SGIP1: variants seen among roughly 807,000 people sequenced by gnomAD.
SGIP1 encodes the protein SH3-containing GRB2-like protein 3-interacting protein 1.
A neutral mutation model predicts 107.5 loss-of-function variants in SGIP1; 38 were observed. The ratio of observed to expected loss-of-function variants is 0.35; its 90% confidence interval spans 0.27 to 0.46. SGIP1 has a LOEUF of 0.46. Among genes scored for constraint, SGIP1 ranks in the 20% least tolerant of loss-of-function variants. SGIP1 has a pLI of 1.00. For missense variants in SGIP1, 929 were observed against 1,019.5 expected (o/e 0.91, Z 1.21); for synonymous variants, 365 against 366.1 (o/e 1.00, Z 0.03).
At chr1:66,566,641 T>C (rs2148528531) in intron 1 of SGIP1, among the ~76,000 whole-genome samples, 1 of 152,126 alleles carries the variant, frequency 6.6e-6, no homozygotes, top group East Asian at 1.9e-4. Flanking sequence ...GAAAATATAG[T>C]ATAAAACATA....
chr1:66,675,421 G>A lies in SGIP1; in HGVS notation c.647-1583G>A, dbSNP rs1011390004. Among the ~76,000 whole-genome samples the A allele has an allele frequency of 4.0e-5, 6 of 151,742 alleles. No homozygotes were observed. The South Asian group carries it at 6.2e-4, about 16-fold the overall frequency. ...TCTGTAAAGTTCCTGCCTTTGCACC[G>A]ATCACACTAGCTTTTTCGATACCCA... On this transcript the variant is annotated intron_variant, in intron 12 of 24. Transcript: ENST00000371037.
chr1:66,662,991 C>T (rs1337598565), intron 8 of SGIP1, among the ~76,000 whole-genome samples: 1 of 151,974 alleles, frequency 6.6e-6, no homozygotes, highest in Non-Finnish European at 1.5e-5. Context: ...AGATTCTGAA[C>T]AAATGAATAG....
chr1:66,660,001 AGACAGAC>A lies in SGIP1; in HGVS notation c.460-511_460-505del, dbSNP rs1557497552. 3.5e-3 allele frequency: 283 copies of A among 80,840 alleles called. 7 individuals carry two copies. The highest frequency in any genetic ancestry group is 0.01 in the African/African-American group (109 of 10,836). The allele number at this position is 80,840 out of a possible 1,614,324, so 5.0% of individuals were successfully genotyped here. A position where few individuals can be genotyped will look rare whatever the true frequency, so the allele number is the denominator to read the frequency against. On this transcript the variant is annotated intron_variant, in intron 7 of 24. Coordinates refer to ENST00000371037, the MANE Select transcript of SGIP1 (RefSeq NM_032291.4). ...AAGAAAGAAAGAAAGAAAGAAAGAC[AGACAGAC>A]AGACAGACAGGAAGGAAGGAAGGAA... is the stretch of plus-strand genomic sequence containing the variant.
intron 15 of SGIP1, among the ~76,000 whole-genome samples, chr1:66,684,872 A>G (rs1287324289): frequency 2.0e-5 from 3 of 152,232 alleles, no homozygotes; most frequent in Non-Finnish European, 4.4e-5. Context: ...TGTCACCAGT[A>G]AAGACTCTTG....
At chr1:66,560,040 C>T (rs1436029826) in intron 1 of SGIP1, among the ~76,000 whole-genome samples, 1 of 152,010 alleles carries the variant, frequency 6.6e-6, no homozygotes, top group African/African-American at 2.4e-5. Flanking sequence ...TGTCTACTCA[C>T]ATATACTCCC....
At chr1:66,677,981 G>T (rs143864884) in intron 13 of SGIP1, among the ~76,000 whole-genome samples, 1 of 152,274 alleles carries the variant, frequency 6.6e-6, no homozygotes, top group African/African-American at 2.4e-5. Flanking sequence ...CATAATCAAA[G>T]GCCAAGAGGT....
chr1:66,536,577 T>G (rs2053662941), intron 1 of SGIP1, among the ~76,000 whole-genome samples: 2 of 152,192 alleles, frequency 1.3e-5, no homozygotes, highest in African/African-American at 4.8e-5. Flanking sequence ...ATATAATTAT[T>G]ATTTCAACTT....
At chr1:66,618,442 G>T (rs1196597153) in intron 1 of SGIP1, among the ~76,000 whole-genome samples, 2 of 152,202 alleles carry the variant, frequency 1.3e-5, no homozygotes, top group Non-Finnish European at 2.9e-5. Flanking sequence ...AGCTTTTTAA[G>T]AAATTGTTTA....
intron 17 of SGIP1, among the ~76,000 whole-genome samples, chr1:66,692,261 A>G (rs2090025407): frequency 6.6e-6 from 1 of 152,064 alleles, no homozygotes; most frequent in African/African-American, 2.4e-5. Flanking sequence ...CTGGCCAGAA[A>G]CTTTGATTCT....
At chr1:66,703,129 C>T (rs1393694661) in intron 18 of SGIP1, among the ~76,000 whole-genome samples, 3 of 152,190 alleles carry the variant, frequency 2.0e-5, no homozygotes, top group Non-Finnish European at 4.4e-5. Context: ...CAGTGCTTCA[C>T]AACCAGTCCA....
At chr1:66,632,569 T>C (rs939623381) in intron 2 of SGIP1, among the ~76,000 whole-genome samples, 1 of 152,142 alleles carries the variant, frequency 6.6e-6, no homozygotes, top group African/African-American at 2.4e-5. Flanking sequence ...AGCCCAGCAG[T>C]TCAAGGCTGG....
intron 2 of SGIP1, among the ~76,000 whole-genome samples, chr1:66,632,201 G>A (rs747998195): frequency 6.6e-6 from 1 of 152,190 alleles, no homozygotes; most frequent in Non-Finnish European, 1.5e-5. Context: ...GAGGTTAAGT[G>A]TTCAAGGTCA....
At chr1:66,561,685 C>T (rs994934979) in intron 1 of SGIP1, among the ~76,000 whole-genome samples, 1 of 151,988 alleles carries the variant, frequency 6.6e-6, no homozygotes, top group Non-Finnish European at 1.5e-5. Flanking sequence ...ACATTCATGG[C>T]ACAAATGAGG....
At chr1:66,586,935 C>T (rs747231702) in intron 1 of SGIP1, among the ~76,000 whole-genome samples, 3 of 151,942 alleles carry the variant, frequency 2.0e-5, no homozygotes, top group African/African-American at 4.8e-5. Flanking sequence ...TTAGGATGTG[C>T]TCACTGGGTA....
intron 1 of SGIP1, among the ~76,000 whole-genome samples, chr1:66,595,349 G>A (rs1450408439): frequency 6.6e-6 from 1 of 152,126 alleles, no homozygotes; most frequent in African/African-American, 2.4e-5. Flanking sequence ...CTGACCTCCA[G>A]GCAGCCACTA....
rs566195335 is a variant in SGIP1, at chr1:66,652,233, T to C, written c.460-8280T>C. Among the ~76,000 whole-genome samples, 74 of 150,606 alleles carry C rather than the reference T, an allele frequency of 4.9e-4. 1 individual carries two copies. The South Asian group carries it at 0.016, about 32-fold the overall frequency. On this transcript the variant is annotated intron_variant, in intron 7 of 24. Coordinates refer to ENST00000371037, the MANE Select transcript of SGIP1 (RefSeq NM_032291.4). ...GAGAAAATATTGTAAAATACCCAGT[T>C]CAGTGCTGTCTCCCAGAAAAGGTGC...
At chr1:66,560,556 A>G (rs571828342) in intron 1 of SGIP1, among the ~76,000 whole-genome samples, 7 of 152,248 alleles carry the variant, frequency 4.6e-5, no homozygotes, top group African/African-American at 1.7e-4. Context: ...AGGTTTCTTA[A>G]TAACATTCCT....
chr1:66,719,163 G>A (rs901859200), intron 18 of SGIP1, 131 bp from the exon 19 acceptor site: 12 of 560,432 alleles, frequency 2.1e-5, no homozygotes, highest in African/African-American at 1.5e-4. Context: ...ACAGAGTTAC[G>A]GTTCTTAGCA....
intron 18 of SGIP1, among the ~76,000 whole-genome samples, chr1:66,710,686 G>A (rs2092856712): frequency 6.6e-6 from 1 of 152,142 alleles, no homozygotes; most frequent in South Asian, 2.1e-4. Context: ...TGCAAATACA[G>A]TGCATATTTA....
Sources: gnomAD v4.1 joint callset for allele counts (sites outside exome capture counted in the v4.1 genomes callset) on GRCh38, gnomAD v4.1.1 for gene constraint, MANE v1.5 for transcripts, NCBI Gene and HGNC (gene_info 2026-07-23, HGNC 2026-07-21) for gene names.